Variants in GFPT2 observed in about 807,000 individuals in gnomAD.
GFPT2 encodes glutamine--fructose-6-phosphate aminotransferase [isomerizing] 2.
In GFPT2, 62 loss-of-function variants were observed where a neutral mutation model predicts 85.6. The observed-to-expected ratio is 0.72, with a 90% confidence interval of 0.59 to 0.90. The LOEUF is 0.90. Among genes scored for constraint, GFPT2 ranks in the 40% least tolerant of loss-of-function variants. GFPT2 has a pLI of 0.00. For synonymous variants in GFPT2, 368 were observed against 344.5 expected, an observed-to-expected ratio of 1.07 and a Z score of -0.75; for missense variants, 788 against 893.4, an observed-to-expected ratio of 0.88 and a Z score of 1.50.
chr5:180,301,481 T>A lies in GFPT2; in HGVS notation c.*83A>T. ...ACGCAGAACATGTGGGATGTCCACT[T>A]CTCTTCCCATGTAGCATCCCTGCTG... On this transcript the variant is annotated 3_prime_UTR_variant, in exon 19 of 19. Coordinates refer to ENST00000253778, the MANE Select transcript of GFPT2 (RefSeq NM_005110.4). 8.5e-7 allele frequency: 1 copy of A among 1,173,196 alleles called. No individual in the cohort carries two copies. The highest frequency in any genetic ancestry group is 1.2e-5 in the South Asian group (1 of 81,650). 72.7% of individuals were successfully genotyped at this position (1,173,196 alleles called of 1,614,324 possible).
At chr5:180,342,987 A>G (rs1176943831) in intron 1 of GFPT2, among the ~76,000 whole-genome samples, 1 of 152,216 alleles carries the variant, frequency 6.6e-6, no homozygotes. Flanking sequence ...ATTGTGGTCA[A>G]TGTAAAGACC....
At chr5:180,347,845 G>A (rs535687126) in intron 1 of GFPT2, among the ~76,000 whole-genome samples, 13 of 152,266 alleles carry the variant, frequency 8.5e-5, no homozygotes, top group East Asian at 3.9e-4. Context: ...GATGATTTGC[G>A]GCCTGGGGGA....
At chr5:180,338,470 G>C (rs781029247) in intron 2 of GFPT2, 23 bp downstream of exon 2, 1 of 1,371,174 alleles carries the variant, frequency 7.3e-7, no homozygotes, top group Non-Finnish European at 1.0e-6. Flanking sequence ...CCCCAGCCAC[G>C]AGGCGGGCGG....
At chr5:180,307,785 T>C (rs1221391171) in intron 15 of GFPT2, among the ~76,000 whole-genome samples, 1 of 152,228 alleles carries the variant, frequency 6.6e-6, no homozygotes, top group Non-Finnish European at 1.5e-5. Flanking sequence ...CCTTTGTTTT[T>C]GAGTTAAATC....
At position 180,323,233 on chromosome 5, in the gene GFPT2, C is replaced by T. The variant is rs1003992508; in HGVS notation, c.794+955G>A. On this transcript the variant is annotated intron_variant, in intron 9 of 18. Transcript: ENST00000253778. The surrounding 1 kb of genome is among the most constrained non-coding windows in gnomAD (Gnocchi z 4.0). ...AATACCAGCGTCTCGTTGGTATTCT[C>T]GGCGTGTTCTAAGGGGCACCATTTG... 1.3e-5 allele frequency among the ~76,000 whole-genome samples: 2 copies of T among 152,098 alleles called. No homozygotes were observed. The highest frequency in any genetic ancestry group is 2.9e-5 in the Non-Finnish European group (2 of 68,030).
At chr5:180,305,585 G>A (rs1763760188) in intron 16 of GFPT2, among the ~76,000 whole-genome samples, 1 of 152,216 alleles carries the variant, frequency 6.6e-6, no homozygotes, top group South Asian at 2.1e-4. Context: ...CAGTCTGGAG[G>A]CGCAGACAGC....
At chr5:180,333,182 A>G (rs1285232782) in intron 4 of GFPT2, among the ~76,000 whole-genome samples, 1 of 151,570 alleles carries the variant, frequency 6.6e-6, no homozygotes, top group African/African-American at 2.4e-5. Flanking sequence ...AACTGGCTCC[A>G]CGTCCATCCC....
intron 14 of GFPT2, among the ~76,000 whole-genome samples, chr5:180,313,136 G>C (rs899128918): frequency 6.6e-6 from 1 of 151,996 alleles, no homozygotes; most frequent in East Asian, 2.0e-4. Context: ...CTGGGTTCAA[G>C]GGATGCTCCC....
Position 180,317,036 on chromosome 5 carries a change from C to T in GFPT2, c.981G>A (p.Gln327=). The T allele has an allele frequency of 6.8e-6, 11 of 1,608,854 alleles. No homozygotes were observed. Among genetic ancestry groups the T allele is most frequent in the Non-Finnish European group, 9.4e-6 (11 of 1,175,106 alleles). ...IMKGNFSAFM[Q]KEIFEQPESV... ...ATTCTGGCTGTTCGAAGATCTCCTT[C>T]TGCATAAACGCACTGAAGTTACCTG... Residue 327 remains glutamine (Q), a synonymous_variant, in exon 11 of 19, where the codon CAG becomes CAA. Coordinates refer to ENST00000253778, the MANE Select transcript of GFPT2 (RefSeq NM_005110.4).
In GFPT2 at chr5:180,318,856, CCGA is replaced by C; in HGVS notation, c.892_894del (p.Ser298del). On this transcript the variant is annotated inframe_deletion, in exon 10 of 19. Transcript: ENST00000253778. This position sits in a 1 kb window ranked among gnomAD's most constrained non-coding sequence, Gnocchi z 4.2. The stretch of plus-strand genomic sequence containing the variant: ...ATGGCTCGAGATGGGTCATCACTGG[CCGA>C]GCGCTTGACCCGGTGAATGGAGAGT... 10 of 1,614,002 alleles carry C rather than the reference CCGA, an allele frequency of 6.2e-6. No homozygotes were observed. Among genetic ancestry groups the C allele is most frequent in the Non-Finnish European group, 8.5e-6 (10 of 1,179,958 alleles).
rs1764047608 is a variant in GFPT2 at position 180,318,033 on chromosome 5, C to G, written c.958+760G>C. On this transcript the variant is annotated intron_variant, in intron 10 of 18. Transcript: ENST00000253778. The surrounding 1 kb of genome is among the most constrained non-coding windows in gnomAD (Gnocchi z 4.2). ...AAGTGAGGGGAATGAGGGGTGGCCA[C>G]CATAGGGGAGGGGCTGGGGAGGGAC... Among the ~76,000 whole-genome samples, 1 of 152,060 alleles carries G rather than the reference C, an allele frequency of 6.6e-6. No individual in the cohort carries two copies. Among genetic ancestry groups the G allele is most frequent in the Non-Finnish European group, 1.5e-5 (1 of 68,010 alleles).
At chr5:180,303,897 C>T (rs567479566) in intron 17 of GFPT2, among the ~76,000 whole-genome samples, 5 of 152,274 alleles carry the variant, frequency 3.3e-5, no homozygotes, top group South Asian at 4.1e-4. Flanking sequence ...TCCAGGATGG[C>T]GTCTGGCCCT....
intron 12 of GFPT2, 34 bp from the exon 13 acceptor site, chr5:180,316,495 C>A: frequency 6.2e-7 from 1 of 1,613,094 alleles, no homozygotes; most frequent in South Asian, 1.1e-5. Flanking sequence ...AGACTAAAGT[C>A]AGTCACAGGC....
chr5:180,324,315 G>A lies in GFPT2; in HGVS notation c.677-10C>T, dbSNP rs769867652. The A allele has an allele frequency of 3.5e-6, 5 of 1,436,302 alleles. No homozygotes were observed. Among genetic ancestry groups the A allele is most frequent in the Non-Finnish European group, 4.9e-6 (5 of 1,028,318 alleles). 89.0% of individuals were successfully genotyped at this position (1,436,302 alleles called of 1,614,324 possible). ...ACATTCTCCAGAGTGCCTAGCAAAT[G>A]GAGGAATGGGTTGCAAATCCCACTG... On this transcript the variant is annotated splice_polypyrimidine_tract_variant and intron_variant, in intron 8 of 18. Transcript: ENST00000253778.
chr5:180,345,678 T>G (rs560219150), intron 1 of GFPT2, among the ~76,000 whole-genome samples: 111 of 152,354 alleles, frequency 7.3e-4, no homozygotes, highest in Middle Eastern at 6.8e-3. Context: ...CATCCATTGC[T>G]GAGTCCCCAG....
intron 1 of GFPT2, chr5:180,352,931 T>G: frequency 2.3e-6 from 1 of 427,928 alleles, no homozygotes; most frequent in Non-Finnish European, 4.1e-6. Context: ...ACCAGGTCCC[T>G]CCCCTCCGTG....
intron 11 of GFPT2, 41 bp downstream of exon 11, chr5:180,316,922 C>T: frequency 6.4e-7 from 1 of 1,566,140 alleles, no homozygotes. Context: ...TTCCCTGAGA[C>T]TAGGCTCGGG....
At position 180,328,837 on chromosome 5, in the gene GFPT2, G is replaced by A. The variant is rs1459694220; in HGVS notation, c.535-499C>T. Among the ~76,000 whole-genome samples, 3 of 152,222 alleles carry A rather than the reference G, an allele frequency of 2.0e-5. No homozygotes were observed. The highest frequency in any genetic ancestry group is 2.1e-4 in the South Asian group (1 of 4,832). ...CATCGGTGAAGGAAGTGAGAACAGC[G>A]CCACCTGGCGGGGCTTCCGTGACGA... On this transcript the variant is annotated intron_variant, in intron 6 of 18. Coordinates refer to ENST00000253778, the MANE Select transcript of GFPT2 (RefSeq NM_005110.4). This position sits in a 1 kb window ranked among gnomAD's most constrained non-coding sequence, Gnocchi z 5.4.
At chr5:180,308,850 C>T (rs1763824586) in intron 15 of GFPT2, among the ~76,000 whole-genome samples, 1 of 151,698 alleles carries the variant, frequency 6.6e-6, no homozygotes, top group Non-Finnish European at 1.5e-5. Flanking sequence ...TTGTTGAAGT[C>T]ACCTTGATCT....
Sources: gnomAD v4.1 joint callset for allele counts (sites outside exome capture counted in the v4.1 genomes callset) on GRCh38, gnomAD v4.1.1 for gene constraint, Gnocchi (gnomAD v3.1) non-coding constraint, MANE v1.5 for transcripts, NCBI Gene and HGNC (gene_info 2026-07-23, HGNC 2026-07-21) for gene names.